SNAP47: variants seen among roughly 807,000 people sequenced by gnomAD.
SNAP47 encodes synaptosomal-associated protein 47.
SNAP47 carries 20 observed loss-of-function variants against 31.4 expected under a neutral mutation model. The observed-to-expected ratio is 0.64, with a 90% CI of 0.45 to 0.93. SNAP47 has a LOEUF of 0.93. SNAP47 is among the 40% of genes least tolerant of loss of function. The pLI is 0.00. For missense variants in SNAP47, 492 were observed against 528.5 expected, an observed-to-expected ratio of 0.93 and a Z score of 0.68; for synonymous variants, 194 against 213.4, an observed-to-expected ratio of 0.91 and a Z score of 0.79.
chr1:227,730,206 TTG>T (rs1308636100), upstream of SNAP47, among the ~76,000 whole-genome samples: 2 of 152,048 alleles, frequency 1.3e-5, no homozygotes, highest in Admixed American at 6.5e-5. Flanking sequence ...CCCCAGGAGG[TTG>T]GTTCCCAGGG....
intron 2 of SNAP47, among the ~76,000 whole-genome samples, chr1:227,750,233 C>G (rs1036533105): frequency 6.6e-6 from 1 of 151,670 alleles, no homozygotes; most frequent in African/African-American, 2.4e-5. Flanking sequence ...GTGTTTTGCC[C>G]TAGTCAGAGT....
chr1:227,738,787 G>C (rs1379344512), intron 1 of SNAP47, among the ~76,000 whole-genome samples: 1 of 152,176 alleles, frequency 6.6e-6, no homozygotes, highest in Admixed American at 6.5e-5. Context: ...TTTGCCTCAT[G>C]GGGAAACTGA....
upstream of SNAP47, chr1:227,733,365 C>T (rs1660801782): frequency 1.3e-6 from 2 of 1,546,062 alleles, no homozygotes; most frequent in African/African-American, 2.8e-5. Context: ...GTGCTGCCGT[C>T]TTCCTGCAGG....
At chr1:227,743,352 G>A (rs1349468940) in intron 1 of SNAP47, among the ~76,000 whole-genome samples, 1 of 152,184 alleles carries the variant, frequency 6.6e-6, no homozygotes, top group Non-Finnish European at 1.5e-5. Context: ...GAGAGTGCGA[G>A]GTGCTTTGTG....
chr1:227,754,758 G>A (rs970128400), intron 2 of SNAP47, among the ~76,000 whole-genome samples: 1 of 152,166 alleles, frequency 6.6e-6, no homozygotes, highest in Non-Finnish European at 1.5e-5. Flanking sequence ...GGAACACTGA[G>A]GAAATGAGGG....
In SNAP47 at chr1:227,746,582, G is replaced by A. The variant is rs74140376; in HGVS notation, c.-45-1110G>A. 8.5e-3 allele frequency: 1,293 copies of A among 152,346 alleles called. 20 individuals carry two copies. The highest frequency in any genetic ancestry group is 0.028 in the African/African-American group (1,181 of 41,552). 9.4% of individuals were successfully genotyped at this position (152,346 alleles called of 1,614,324 possible). A position where few individuals can be genotyped will look rare whatever the true frequency, so the allele number is the denominator to read the frequency against. On this transcript the variant is annotated intron_variant, in intron 1 of 4. Transcript: ENST00000617596. ...TGCATGAGCTGCAGGAACCAGGGAC[G>A]GATCAGGGTAGGTGGTGCCCAGCAG...
intron 2 of SNAP47, 33 bp downstream of exon 2, chr1:227,748,266 C>G (rs1476086541): frequency 6.6e-7 from 1 of 1,515,932 alleles, no homozygotes; most frequent in African/African-American, 1.4e-5. Context: ...GCAAGGCACA[C>G]ACAGAGTAAG....
At position 227,741,937 on chromosome 1, in the gene SNAP47, A is replaced by G. The variant is rs1179257685; in HGVS notation, c.-45-5755A>G. ...GTTGTCAAACTTGAATACTTTCCTT[A>G]TATTTATTGTTTAAAATGTGATAAT... is the stretch of plus-strand genomic sequence containing the variant. On this transcript the variant is annotated intron_variant, in intron 1 of 4. Coordinates refer to ENST00000617596, the MANE Select transcript of SNAP47 (RefSeq NM_053052.4). The surrounding 1 kb of genome is among the most constrained non-coding windows in gnomAD (Gnocchi z 4.2). Among the ~76,000 whole-genome samples the G allele has an allele frequency of 6.6e-6, 1 of 152,006 alleles. No homozygotes were observed. Among genetic ancestry groups the G allele is most frequent in the Non-Finnish European group, 1.5e-5 (1 of 67,982 alleles).
In SNAP47 at chr1:227,750,849, G is replaced by A. The variant is rs117737208; in HGVS notation, c.497+2616G>A. On this transcript the variant is annotated intron_variant, in intron 2 of 4. Transcript: ENST00000617596. The stretch of plus-strand genomic sequence containing the variant: ...GGAGCATCTTTTTCTGTGCCCAGCC[G>A]AGTTTCTGTGTGGCCACATGGCATC... Among the ~76,000 whole-genome samples, 182 of 152,312 alleles carry A rather than the reference G, an allele frequency of 1.2e-3. 2 individuals carry two copies. In the South Asian group the frequency reaches 0.028, roughly 23 times the overall value.
At chr1:227,772,603 A>G (rs995934827) in intron 4 of SNAP47, among the ~76,000 whole-genome samples, 2 of 152,178 alleles carry the variant, frequency 1.3e-5, no homozygotes, top group Non-Finnish European at 1.5e-5. Context: ...TGGGGTACAC[A>G]GTGGTCCTCT....
At position 227,781,220 on chromosome 1, in the gene SNAP47, G is replaced by A. The variant is rs960205950; in HGVS notation, c.*547G>A. 2 of 154,302 alleles carry A rather than the reference G, an allele frequency of 1.3e-5. No individual in the cohort carries two copies. Among genetic ancestry groups the A allele is most frequent in the Non-Finnish European group, 2.9e-5 (2 of 69,476 alleles). The allele number at this position is 154,302 out of a possible 1,614,324, so 9.6% of individuals were successfully genotyped here. A position where few individuals can be genotyped will look rare whatever the true frequency, so the allele number is the denominator to read the frequency against. On this transcript the variant is annotated 3_prime_UTR_variant, in exon 5 of 5. Transcript: ENST00000617596. ...CCATCCAGAAATAAAGGGAAATGCT[G>A]GCTTCAGAGTGGTTTTTGAAGATGG... is the stretch of plus-strand genomic sequence containing the variant.
chr1:227,776,747 G>T, intron 4 of SNAP47: 2 of 985,424 alleles, frequency 2.0e-6, no homozygotes, highest in Non-Finnish European at 2.4e-6. Context: ...AATGTTCTTT[G>T]TCTGCAGACC....
At chr1:227,773,396 G>A (rs1663949357) in intron 4 of SNAP47, among the ~76,000 whole-genome samples, 1 of 152,178 alleles carries the variant, frequency 6.6e-6, no homozygotes, top group African/African-American at 2.4e-5. Flanking sequence ...TTTTATTACA[G>A]AAGAGTCAGA....
chr1:227,751,218 T>C (rs1308870088), intron 2 of SNAP47, among the ~76,000 whole-genome samples: 2 of 152,196 alleles, frequency 1.3e-5, no homozygotes, highest in African/African-American at 2.4e-5. Flanking sequence ...GGCCGTCCTA[T>C]GTTCACCTGC....
intron 3 of SNAP47, among the ~76,000 whole-genome samples, chr1:227,765,070 A>G (rs1663305182): frequency 6.6e-6 from 1 of 152,188 alleles, no homozygotes; most frequent in Non-Finnish European, 1.5e-5. Flanking sequence ...TAAAGCCCAC[A>G]TTGTAGCCAA....
intron 2 of SNAP47, among the ~76,000 whole-genome samples, chr1:227,755,101 T>C (rs1240353300): frequency 6.6e-6 from 1 of 152,172 alleles, no homozygotes; most frequent in Non-Finnish European, 1.5e-5. Context: ...ACACTTGCCA[T>C]CTGTCATCTC....
chr1:227,737,263 A>G (rs1323888324), intron 1 of SNAP47, among the ~76,000 whole-genome samples: 2 of 152,250 alleles, frequency 1.3e-5, no homozygotes, highest in Non-Finnish European at 2.9e-5. Flanking sequence ...GGCTGTGTGC[A>G]CATAGGTGCT....
At chr1:227,757,488 G>A (rs1209979810) in intron 2 of SNAP47, among the ~76,000 whole-genome samples, 1 of 152,182 alleles carries the variant, frequency 6.6e-6, no homozygotes, top group Non-Finnish European at 1.5e-5. Context: ...TCAGCAAACT[G>A]TGCACCTTTT....
chr1:227,776,110 C>T, intron 4 of SNAP47: 1 of 1,171,326 alleles, frequency 8.5e-7, no homozygotes, highest in Non-Finnish European at 1.1e-6. Flanking sequence ...TCACCCAGGG[C>T]TGCTCCCCTT....
Sources: allele counts gnomAD v4.1 joint callset (sites outside exome capture counted in the v4.1 genomes callset), GRCh38; gene constraint gnomAD v4.1.1; non-coding constraint Gnocchi (gnomAD v3.1); transcripts MANE v1.5; gene names NCBI Gene and HGNC (gene_info 2026-07-23, HGNC 2026-07-21).